RBFOX1: variants seen among roughly 807,000 people sequenced by gnomAD.
RBFOX1 encodes the protein RNA binding fox-1 homolog 1, also known as RNA binding protein fox-1 homolog 1.
RBFOX1 carries 8 observed loss-of-function variants against 57.7 expected under a neutral mutation model. The ratio of observed to expected loss-of-function variants is 0.14; its 90% CI spans 0.08 to 0.25. The LOEUF is 0.25. Ranked by LOEUF, RBFOX1 falls within the 10% of genes least tolerant of loss-of-function variation. The probability of loss-of-function intolerance (pLI) is 1.00; values close to 1 mark genes in which losing one functional copy is unlikely to be tolerated. For synonymous variants in RBFOX1, 326 were observed against 222.4 expected (o/e 1.47, Z -4.15); for missense variants, 611 against 548.5 (o/e 1.11, Z -1.14).
chr16:7,016,265 G>T (rs556487676), intron 3 of RBFOX1, among the ~76,000 whole-genome samples: 1 of 152,234 alleles, frequency 6.6e-6, no homozygotes, highest in South Asian at 2.1e-4. Flanking sequence ...TCATCCCCAA[G>T]ATCTGTCTCG....
chr16:7,175,183 A>G (rs2081409829), intron 4 of RBFOX1, among the ~76,000 whole-genome samples: 1 of 151,400 alleles, frequency 6.6e-6, no homozygotes, highest in African/African-American at 2.4e-5. Context: ...TCTTTTTCCT[A>G]ATACTCTTCC....
chr16:7,317,890 A>G (rs72769274), intron 4 of RBFOX1, among the ~76,000 whole-genome samples: 4 of 152,314 alleles, frequency 2.6e-5, no homozygotes, highest in Non-Finnish European at 5.9e-5. Context: ...GCTAGTTTGT[A>G]TACTACCCCA....
chr16:6,849,953 A>G (rs1033704356), intron 3 of RBFOX1, among the ~76,000 whole-genome samples: 21 of 152,162 alleles, frequency 1.4e-4, no homozygotes, highest in Admixed American at 6.5e-5. Context: ...AAAGCTGGAG[A>G]CTTTGTCTTT....
At chr16:5,908,137 CATATATACACATATATACACAT>C (rs1567133617) in intron 4 of RBFOX1, among the ~76,000 whole-genome samples, 8 of 131,032 alleles carry the variant, frequency 6.1e-5, no homozygotes, top group African/African-American at 1.1e-4. Context: ...TATATATACA[CATATATACACATATATACACAT>C]ATATATACAC....
At chr16:5,822,999 C>A (rs2055909333) in intron 3 of RBFOX1, among the ~76,000 whole-genome samples, 1 of 152,200 alleles carries the variant, frequency 6.6e-6, no homozygotes, top group Non-Finnish European at 1.5e-5. Flanking sequence ...GCTGTAGGAA[C>A]TATGCTGTGT....
intron 1 of RBFOX1, among the ~76,000 whole-genome samples, chr16:6,056,656 A>C (rs771867041): frequency 6.6e-6 from 1 of 152,208 alleles, no homozygotes; most frequent in Non-Finnish European, 1.5e-5. Context: ...TGACCAAATC[A>C]ATGAAGATAC....
chr16:6,622,881 C>G (rs996886396), intron 2 of RBFOX1, among the ~76,000 whole-genome samples: 1 of 152,202 alleles, frequency 6.6e-6, no homozygotes, highest in Non-Finnish European at 1.5e-5. Context: ...ACATGTTGTT[C>G]TGCCAAGTTG....
In RBFOX1 at chr16:7,159,869, G is replaced by A. The variant is rs1223529612; in HGVS notation, c.27+107771G>A. ...GGAATGGAAAAATAATATTTGGCTTGGCTTTGATCATATATACTAATTATT... is the reference window on the plus strand; with the variant it reads ...GGAATGGAAAAATAATATTTGGCTTAGCTTTGATCATATATACTAATTATT... On this transcript the variant is annotated intron_variant, in intron 4 of 15. Coordinates refer to ENST00000550418, the MANE Select transcript of RBFOX1 (RefSeq NM_018723.4). Among the ~76,000 whole-genome samples, 3 of 152,262 alleles carry A rather than the reference G, an allele frequency of 2.0e-5. No individual in the cohort carries two copies. In the East Asian group the frequency reaches 5.8e-4, roughly 29 times the overall value.
chr16:7,630,487 C>T lies in RBFOX1; in HGVS notation c.677-116C>T, dbSNP rs568934912. 3,109 of 1,537,824 alleles carry T rather than the reference C, an allele frequency of 2.0e-3. 3 individuals are homozygous for T. Among genetic ancestry groups the T allele is most frequent in the Non-Finnish European group, 2.5e-3 (2,925 of 1,148,250 alleles). The stretch of plus-strand genomic sequence containing the variant: ...CTTTGTTGGGTACCCTTGTCCTGCG[C>T]TCTGGGATGTGGCTATGTTTTCATT... On this transcript the variant is annotated intron_variant, in intron 10 of 15. Transcript: ENST00000550418.
intron 4 of RBFOX1, among the ~76,000 whole-genome samples, chr16:7,098,177 T>G: frequency 6.6e-6 from 1 of 152,166 alleles, no homozygotes; most frequent in East Asian, 1.9e-4. Context: ...TTATTTTTAT[T>G]TATTTATTTA....
intron 1 of RBFOX1, among the ~76,000 whole-genome samples, chr16:6,029,081 T>G (rs1305821252): frequency 6.6e-6 from 1 of 152,180 alleles, no homozygotes; most frequent in Non-Finnish European, 1.5e-5. Context: ...TCCGAGCTAG[T>G]CACTTCTTAT....
chr16:6,436,972 G>A (rs896645913), intron 2 of RBFOX1, among the ~76,000 whole-genome samples: 16 of 152,138 alleles, frequency 1.1e-4, no homozygotes, highest in African/African-American at 3.9e-4. Context: ...CCCAGAATCC[G>A]AGATGTCTAT....
intron 1 of RBFOX1, among the ~76,000 whole-genome samples, chr16:5,413,793 G>C (rs1325736882): frequency 6.6e-6 from 1 of 152,206 alleles, no homozygotes; most frequent in African/African-American, 2.4e-5. Flanking sequence ...AAGGAGACCG[G>C]TAGGGGTGAG....
intron 5 of RBFOX1, among the ~76,000 whole-genome samples, chr16:7,537,172 C>T (rs1871035970): frequency 1.4e-5 from 2 of 147,784 alleles, no homozygotes; most frequent in African/African-American, 5.4e-5. Context: ...TGGGAAGTGG[C>T]AGAAAGGACT....
At chr16:7,028,881 G>C (rs1377497442) in intron 3 of RBFOX1, among the ~76,000 whole-genome samples, 2 of 150,958 alleles carry the variant, frequency 1.3e-5, no homozygotes, top group Non-Finnish European at 2.9e-5. Flanking sequence ...GGGAATCCAA[G>C]CTCTGCCACT....
intron 4 of RBFOX1, among the ~76,000 whole-genome samples, chr16:5,939,510 G>C (rs564749188): frequency 1.3e-5 from 2 of 152,144 alleles, no homozygotes; most frequent in African/African-American, 4.8e-5. Context: ...AGGACTGTCT[G>C]AGCATCCTCA....
intron 4 of RBFOX1, among the ~76,000 whole-genome samples, chr16:5,899,982 A>G (rs2056464689): frequency 6.6e-6 from 1 of 152,116 alleles, no homozygotes; most frequent in Admixed American, 6.6e-5. Context: ...GGAGGCTGAG[A>G]TGGGAGGATT....
chr16:7,398,968 A>G (rs559060146), intron 4 of RBFOX1, among the ~76,000 whole-genome samples: 51 of 152,298 alleles, frequency 3.3e-4, no homozygotes, highest in African/African-American at 1.1e-3. Flanking sequence ...TGGGAGGCAA[A>G]AAGTTTGATG....
intron 2 of RBFOX1, among the ~76,000 whole-genome samples, chr16:6,393,839 A>G (rs1253080877): frequency 6.6e-6 from 1 of 152,134 alleles, no homozygotes; most frequent in Admixed American, 6.5e-5. Context: ...TTGAAAGCAA[A>G]AGCGGGATCA....
Sources: allele counts gnomAD v4.1 joint callset (sites outside exome capture counted in the v4.1 genomes callset), GRCh38; gene constraint gnomAD v4.1.1; transcripts MANE v1.5; gene names NCBI Gene and HGNC (gene_info 2026-07-23, HGNC 2026-07-21).